Variants in EIF2AK1 observed in about 807,000 individuals in gnomAD.
The protein encoded by EIF2AK1 is eukaryotic translation initiation factor 2 alpha kinase 1.
A neutral mutation model predicts 77.9 loss-of-function variants in EIF2AK1; 54 were observed. That is an observed-to-expected ratio of 0.69 (90% confidence interval 0.56 to 0.87). The LOEUF (loss-of-function observed/expected upper bound fraction) is 0.87, where lower values mean the gene tolerates loss of function less well. Among genes scored for constraint, EIF2AK1 ranks in the 40% least tolerant of loss-of-function variants. The pLI is 0.00. For missense variants in EIF2AK1, 810 were observed against 768.6 expected (o/e 1.05, Z -0.64); for synonymous variants, 314 against 290.5 (o/e 1.08, Z -0.82).
chr7:6,040,236 A>G (rs914589547), intron 9 of EIF2AK1, among the ~76,000 whole-genome samples: 2 of 152,032 alleles, frequency 1.3e-5, no homozygotes, highest in Non-Finnish European at 2.9e-5. Context: ...TATTTTTAGT[A>G]GAGACGCGCT....
intron 11 of EIF2AK1, among the ~76,000 whole-genome samples, chr7:6,031,899 C>T (rs992415556): frequency 3.3e-5 from 5 of 152,082 alleles, no homozygotes; most frequent in African/African-American, 9.6e-5. Flanking sequence ...TTTGGCCAGA[C>T]GCAGTAGCTC....
chr7:6,056,591 C>A lies in EIF2AK1; in HGVS notation c.119-1887G>T, dbSNP rs1163157103. 9.4e-4 allele frequency among the ~76,000 whole-genome samples: 28 copies of A among 29,658 alleles called. 1 individual carries two copies. The East Asian group carries it at 0.028, about 30-fold the overall frequency. The allele number at this position is 29,658 out of a possible 152,430, so 19.5% of individuals were successfully genotyped here. A position where few individuals can be genotyped will look rare whatever the true frequency, so the allele number is the denominator to read the frequency against. On this transcript the variant is annotated intron_variant, in intron 1 of 14. Transcript: ENST00000199389. ...CCTGGGCAACAGAGGGAGACTCCAT[C>A]TCAAGGGAAAAAAAAAAAAAAAATA...
Position 6,035,687 on chromosome 7 carries a change from T to C in EIF2AK1, c.1332+1737A>G. ...ATGGTTGCTATCCAGTTCTCTCCAT[T>C]TTGACCCAAAATGGTGCCGATGTCA... is the stretch of plus-strand genomic sequence containing the variant. On this transcript the variant is annotated intron_variant, in intron 11 of 14. Transcript: ENST00000199389. The surrounding 1 kb of genome is among the most constrained non-coding windows in gnomAD (Gnocchi z 5.5). The C allele has an allele frequency of 6.4e-7, 1 of 1,550,636 alleles. No individual in the cohort carries two copies. Among genetic ancestry groups the C allele is most frequent in the Non-Finnish European group, 8.7e-7 (1 of 1,147,058 alleles).
In EIF2AK1 at chr7:6,035,531, G is replaced by A. The variant is rs1277230504; in HGVS notation, c.1332+1893C>T. The A allele has an allele frequency of 5.2e-6, 8 of 1,550,984 alleles. No individual in the cohort carries two copies. Among genetic ancestry groups the A allele is most frequent in the East Asian group, 4.9e-5 (2 of 40,930 alleles). On this transcript the variant is annotated intron_variant, in intron 11 of 14. Transcript: ENST00000199389. The surrounding 1 kb of genome is among the most constrained non-coding windows in gnomAD (Gnocchi z 5.5). ...CGTGGGCAAAACCAGGCAACAGAAC[G>A]CACAGGATCCTGACAGACATTCAGA...
At position 6,035,818 on chromosome 7, in the gene EIF2AK1, C is replaced by T. The variant is rs1174831579; in HGVS notation, c.1332+1606G>A. 1.9e-6 allele frequency: 3 copies of T among 1,549,794 alleles called. No individual in the cohort carries two copies. Among genetic ancestry groups the T allele is most frequent in the Non-Finnish European group, 1.7e-6 (2 of 1,146,218 alleles). On this transcript the variant is annotated intron_variant, in intron 11 of 14. Coordinates refer to ENST00000199389, the MANE Select transcript of EIF2AK1 (RefSeq NM_014413.4). The surrounding 1 kb of genome is among the most constrained non-coding windows in gnomAD (Gnocchi z 5.5). ...GCCTATGGAGCAAACGTCAACTGTG[C>T]TGTCTCTTCCACGGGGAACACGCCC...
chr7:6,023,354 G>T lies in EIF2AK1; in HGVS notation c.*1319C>A. 1.2e-6 allele frequency: 2 copies of T among 1,612,406 alleles called. No homozygotes were observed. The highest frequency in any genetic ancestry group is 1.7e-6 in the Non-Finnish European group (2 of 1,179,542). On this transcript the variant is annotated 3_prime_UTR_variant, in exon 15 of 15. Transcript: ENST00000199389. Reference sequence around the variant, plus strand: ...ATCCAGACGATGTGCCCCATCGAAGGCGAAGGGAACATTGCACGTTTCTTG... The same window carrying T: ...ATCCAGACGATGTGCCCCATCGAAGTCGAAGGGAACATTGCACGTTTCTTG...
chr7:6,050,989 CA>C (rs1174815575), intron 2 of EIF2AK1, among the ~76,000 whole-genome samples: 4 of 151,490 alleles, frequency 2.6e-5, no homozygotes, highest in Admixed American at 6.6e-5. Flanking sequence ...AAAGGGCAAA[CA>C]AAAAAAAGAG....
chr7:6,044,363 C>T (rs941381773), intron 7 of EIF2AK1, among the ~76,000 whole-genome samples, 199 bp downstream of exon 7: 29 of 151,754 alleles, frequency 1.9e-4, no homozygotes, highest in African/African-American at 6.3e-4. Flanking sequence ...CCCAGCTACT[C>T]AGGAGGCTGA....
At chr7:6,053,480 G>C (rs748547604) in intron 2 of EIF2AK1, among the ~76,000 whole-genome samples, 5 of 151,898 alleles carry the variant, frequency 3.3e-5, no homozygotes, top group Non-Finnish European at 7.4e-5. Context: ...TCCAGCCTCA[G>C]CCTCCCAAAT....
chr7:6,051,757 A>G (rs2128891568), intron 2 of EIF2AK1, among the ~76,000 whole-genome samples: 1 of 152,126 alleles, frequency 6.6e-6, no homozygotes, highest in South Asian at 2.1e-4. Flanking sequence ...CAAAAACTCT[A>G]CAGTTATGAA....
rs886611336 is a variant in EIF2AK1, at chr7:6,033,263, C to T, written c.1332+4161G>A. 6.6e-6 allele frequency among the ~76,000 whole-genome samples: 1 copy of T among 152,148 alleles called. No homozygotes were observed. The highest frequency in any genetic ancestry group is 2.4e-5 in the African/African-American group (1 of 41,452). On this transcript the variant is annotated intron_variant, in intron 11 of 14. Coordinates refer to ENST00000199389, the MANE Select transcript of EIF2AK1 (RefSeq NM_014413.4). The surrounding 1 kb of genome is among the most constrained non-coding windows in gnomAD (Gnocchi z 4.4). ...GGATTAACAGCCCTCAGCCACAGCACCCAGCTTCACTGACAATCATTTCTA... is the reference window on the plus strand; with the variant it reads ...GGATTAACAGCCCTCAGCCACAGCATCCAGCTTCACTGACAATCATTTCTA...
chr7:6,053,970 C>T (rs1788680799), intron 2 of EIF2AK1, among the ~76,000 whole-genome samples: 1 of 151,804 alleles, frequency 6.6e-6, no homozygotes, highest in Non-Finnish European at 1.5e-5. Context: ...CTGCACCTGG[C>T]CATCTTTTTT....
At chr7:6,056,636 A>ATATATATATAT (rs1554324739) in intron 1 of EIF2AK1, among the ~76,000 whole-genome samples, 7 of 118,896 alleles carry the variant, frequency 5.9e-5, no homozygotes, top group Non-Finnish European at 1.0e-4. Flanking sequence ...ATATATATAT[A>ATATATATATAT]AACTCTGTCT....
In EIF2AK1 at chr7:6,032,878, T is replaced by C. The variant is rs994988903; in HGVS notation, c.1333-3846A>G. 4 of 1,550,940 alleles carry C rather than the reference T, an allele frequency of 2.6e-6. No individual in the cohort carries two copies. The African/African-American group carries it at 5.5e-5, about 21-fold the overall frequency. On this transcript the variant is annotated intron_variant, in intron 11 of 14. Transcript: ENST00000199389. The surrounding 1 kb of genome is among the most constrained non-coding windows in gnomAD (Gnocchi z 4.3). ...CATCCCCATCCATCTGGCTGCCAAGTACCACAAGGCCCAGAGTCTGCTCTG... is the reference window on the plus strand; with the variant it reads ...CATCCCCATCCATCTGGCTGCCAAGCACCACAAGGCCCAGAGTCTGCTCTG...
In EIF2AK1 at chr7:6,055,782, A is replaced by AC. The variant is rs575264242; in HGVS notation, c.119-1079dup. On this transcript the variant is annotated intron_variant, in intron 1 of 14. Transcript: ENST00000199389. ...GATCACCTAAGGTCAGGAGTTCGAG[A>AC]CCAGCCTGGCCAACATGGAGAAACC... Among the ~76,000 whole-genome samples, 140 of 151,624 alleles carry AC rather than the reference A, an allele frequency of 9.2e-4. 1 individual carries two copies. Among genetic ancestry groups the AC allele is most frequent in the African/African-American group, 3.3e-3 (138 of 41,284 alleles).
chr7:6,027,458 T>C lies in EIF2AK1; in HGVS notation c.1531-497A>G, dbSNP rs935675017. Among the ~76,000 whole-genome samples, 2 of 152,162 alleles carry C rather than the reference T, an allele frequency of 1.3e-5. No individual in the cohort carries two copies. The highest frequency in any genetic ancestry group is 4.8e-5 in the African/African-American group (2 of 41,434). ...AGGAAGGTCTTCACTAAACAAGATT[T>C]TAGGGGCAGCCATCATTTTTTCTGA... On this transcript the variant is annotated intron_variant, in intron 13 of 14. Transcript: ENST00000199389. The surrounding 1 kb of genome is among the most constrained non-coding windows in gnomAD (Gnocchi z 4.5).
intron 9 of EIF2AK1, among the ~76,000 whole-genome samples, chr7:6,040,320 C>T (rs62456202): frequency 0.35 from 53,220 of 151,734 alleles, 10,290 homozygotes; most frequent in Middle Eastern, 0.46. Context: ...CCCAAACTGC[C>T]GGGATTACAG....
rs1436892269 is a variant in EIF2AK1, at chr7:6,042,199, C to A, written c.791+734G>T. Among the ~76,000 whole-genome samples the A allele has an allele frequency of 2.6e-5, 4 of 151,824 alleles. No homozygotes were observed. In the South Asian group the frequency reaches 8.3e-4, roughly 32 times the overall value. The stretch of plus-strand genomic sequence containing the variant: ...GGTGCAGTGGCTCACAACTGTAATC[C>A]CAGCACTTTGGGAGGCCAAGGCAGG... On this transcript the variant is annotated intron_variant, in intron 8 of 14. Coordinates refer to ENST00000199389, the MANE Select transcript of EIF2AK1 (RefSeq NM_014413.4).
chr7:6,050,737 C>T (rs887536610), intron 2 of EIF2AK1, among the ~76,000 whole-genome samples: 1 of 150,092 alleles, frequency 6.7e-6, no homozygotes, highest in Admixed American at 6.7e-5. Flanking sequence ...TGAGTAGCTG[C>T]GACTATAGGC....
Sources: gnomAD v4.1 joint callset for allele counts (sites outside exome capture counted in the v4.1 genomes callset) on GRCh38, gnomAD v4.1.1 for gene constraint, Gnocchi (gnomAD v3.1) non-coding constraint, MANE v1.5 for transcripts, NCBI Gene and HGNC (gene_info 2026-07-23, HGNC 2026-07-21) for gene names.